TRMO: variants seen among roughly 807,000 people sequenced by gnomAD.
The protein encoded by TRMO is tRNA methyltransferase O.
Under a neutral mutation model 37.2 loss-of-function variants are expected in TRMO, and 30 were observed. The observed-to-expected ratio is 0.81, with a 90% confidence interval of 0.60 to 1.09. The LOEUF (loss-of-function observed/expected upper bound fraction) is 1.09. Ranked by LOEUF, TRMO falls within the 50% of genes least tolerant of loss-of-function variation. The pLI is 0.00. For synonymous variants in TRMO, 239 were observed against 199.4 expected, an observed-to-expected ratio of 1.20 and a Z score of -1.67; for missense variants, 552 against 549.5, an observed-to-expected ratio of 1.00 and a Z score of -0.05.
Position 97,922,408 on chromosome 9 carries a change from T to C in TRMO, c.76+10A>G. The C allele has an allele frequency of 6.4e-7, 1 of 1,560,964 alleles. No homozygotes were observed. The highest frequency in any genetic ancestry group is 1.2e-5 in the South Asian group (1 of 85,720). On this transcript the variant is annotated intron_variant, in intron 1 of 4. Transcript: ENST00000375119. ...CTCCAGAGTGTGGCACCGCCGGTGTTGGAAGTTACCTGTCTCCAGAGCCGG... is the reference window on the plus strand; with the variant it reads ...CTCCAGAGTGTGGCACCGCCGGTGTCGGAAGTTACCTGTCTCCAGAGCCGG...
chr9:97,911,062 A>G (rs1351324761), intron 3 of TRMO: 1 of 402,662 alleles, frequency 2.5e-6, no homozygotes, highest in Non-Finnish European at 5.0e-6. Context: ...AGTAGTCCTC[A>G]GTATATCTCT....
chr9:97,897,429 T>C, the TRMO span, among the ~76,000 whole-genome samples: 7 of 152,218 alleles, frequency 4.6e-5, no homozygotes, highest in Admixed American at 4.6e-4. Flanking sequence ...TTGTTTTGTT[T>C]TGTTTTGTTT....
Position 97,916,148 on chromosome 9 carries a change from C to T in TRMO, c.251+16G>A, listed in dbSNP as rs778928131. ...TTCTGGCCCAAAATCCTACATCTAA[C>T]TATAAAGCAACTTACCAAACATGAG... is the stretch of plus-strand genomic sequence containing the variant. On this transcript the variant is annotated intron_variant, in intron 2 of 4. Coordinates refer to ENST00000375119, the MANE Select transcript of TRMO (RefSeq NM_016481.5). 1 of 1,572,732 alleles carries T rather than the reference C, an allele frequency of 6.4e-7. No individual in the cohort carries two copies. Among genetic ancestry groups the T allele is most frequent in the Admixed American group, 1.9e-5 (1 of 52,950 alleles).
At position 97,910,031 on chromosome 9, in the gene TRMO, G is replaced by T. The variant is rs148962372; in HGVS notation, c.995C>A (p.Ala332Asp). 3.1e-6 allele frequency: 5 copies of T among 1,607,550 alleles called. No homozygotes were observed. The highest frequency in any genetic ancestry group is 1.7e-5 in the Admixed American group (1 of 59,198). ...RSVVPAWVTE[A>D]PVATLEVRFT... ...CCGCACTTCTAAAGTGGCCACAGGA[G>T]CCTCTGTCACCCAGGCAGGAACCAC... Residue 332 changes from alanine (A) to aspartate (D), a missense_variant, in exon 4 of 5, where the codon GCT (alanine) becomes GAT (aspartate). Ala to Asp is a moderately radical substitution (Grantham distance 126). Coordinates refer to ENST00000375119, the MANE Select transcript of TRMO (RefSeq NM_016481.5).
chr9:97,909,665 C>G, intron 4 of TRMO, among the ~76,000 whole-genome samples: 1 of 152,248 alleles, frequency 6.6e-6, no homozygotes, highest in East Asian at 1.9e-4. Flanking sequence ...TTTGAAGACT[C>G]TAAGAACTAC....
At chr9:97,922,231 T>G (rs1434586290) in intron 1 of TRMO, among the ~76,000 whole-genome samples, 187 bp downstream of exon 1, 1 of 152,238 alleles carries the variant, frequency 6.6e-6, no homozygotes, top group Non-Finnish European at 1.5e-5. Context: ...ACAAGCCAGA[T>G]GACGTCATCC....
intron 1 of TRMO, among the ~76,000 whole-genome samples, chr9:97,921,993 C>T (rs1826664333): frequency 1.3e-5 from 2 of 152,038 alleles, no homozygotes; most frequent in African/African-American, 4.8e-5. Flanking sequence ...CTTTCTAGGC[C>T]CAATTTAAAA....
Position 97,904,550 on chromosome 9 carries a change from A to G in TRMO, c.*183T>C, listed in dbSNP as rs1825773128. On this transcript the variant is annotated 3_prime_UTR_variant, in exon 5 of 5. Transcript: ENST00000375119. Reference sequence around the variant, plus strand: ...GCATTTGGTGATTTCTCTGTATTTTATATCTCTTTGTTAAGTTTATTAATG... The same window carrying G: ...GCATTTGGTGATTTCTCTGTATTTTGTATCTCTTTGTTAAGTTTATTAATG... 1.4e-6 allele frequency: 2 copies of G among 1,415,502 alleles called. No individual in the cohort carries two copies. The highest frequency in any genetic ancestry group is 1.8e-6 in the Non-Finnish European group (2 of 1,088,654). 87.7% of individuals were successfully genotyped at this position (1,415,502 alleles called of 1,614,324 possible). A position where few individuals can be genotyped will look rare whatever the true frequency, so the allele number is the denominator to read the frequency against.
chr9:97,908,208 C>G (rs151226469), intron 4 of TRMO, among the ~76,000 whole-genome samples: 2,840 of 152,130 alleles, frequency 0.019, 79 homozygotes, highest in African/African-American at 0.049. Context: ...GTCAGGAGAT[C>G]GAGACCATCC....
chr9:97,910,857 T>C (rs1192439206), intron 3 of TRMO: 3 of 591,154 alleles, frequency 5.1e-6, no homozygotes, highest in Non-Finnish European at 6.1e-6. Flanking sequence ...AAAGCCTTTC[T>C]GGCTCCTCCA....
At position 97,910,372 on chromosome 9, in the gene TRMO, T is replaced by C; in HGVS notation, c.654A>G (p.Lys218=). Residue 218 remains lysine (K), a synonymous_variant, in exon 4 of 5, where the codon AAA becomes AAG. Coordinates refer to ENST00000375119, the MANE Select transcript of TRMO (RefSeq NM_016481.5). ...EPQPHHSTKR[K]PKCPEDRTSE... ...AAGTTCTGTCTTCAGGACATTTAGG[T>C]TTCCTCTTAGTGCTATGGTGGGGTT... 2 of 1,614,216 alleles carry C rather than the reference T, an allele frequency of 1.2e-6. No individual in the cohort carries two copies. The highest frequency in any genetic ancestry group is 2.2e-5 in the East Asian group (1 of 44,880).
In TRMO at chr9:97,906,032, C is replaced by T. The variant is rs200857636; in HGVS notation, c.1067-1040G>A. ...CAAAAAAATTAGCCAGGTATGGTGG[C>T]GCACGCCTGTAATTCTAGCTACTCA... On this transcript the variant is annotated intron_variant, in intron 4 of 4. Coordinates refer to ENST00000375119, the MANE Select transcript of TRMO (RefSeq NM_016481.5). Among the ~76,000 whole-genome samples, 22 of 152,034 alleles carry T rather than the reference C, an allele frequency of 1.4e-4. No individual in the cohort carries two copies. The East Asian group carries it at 3.5e-3, about 24-fold the overall frequency.
chr9:97,900,874 T>C, downstream of TRMO: 1 of 211,048 alleles, frequency 4.7e-6, no homozygotes, highest in East Asian at 1.8e-4. Context: ...AGAAACAAAG[T>C]CAATGCCTTG....
At chr9:97,906,863 G>C (rs1250576514) in intron 4 of TRMO, among the ~76,000 whole-genome samples, 2 of 148,944 alleles carry the variant, frequency 1.3e-5, no homozygotes. Flanking sequence ...AAAAAAGAAA[G>C]AAAGAAAAAA....
At chr9:97,908,865 A>G (rs138429748) in intron 4 of TRMO, among the ~76,000 whole-genome samples, 30 of 152,332 alleles carry the variant, frequency 2.0e-4, no homozygotes, top group Non-Finnish European at 3.5e-4. Flanking sequence ...TGTAGAATGA[A>G]TAAATGAACT....
chr9:97,913,403 T>A lies in TRMO; in HGVS notation c.407A>T (p.Glu136Val). ...GLTLAKLEKV[E>V]GGAIYLSGID... ...AAAGTAGAAATGAAATGGGTTACCT[T>A]CTACCTTTTCCAGCTTGGCCAGGGT... Residue 136 changes from glutamate to valine, a missense_variant and splice_region_variant, in exon 3 of 5, where the codon GAA becomes GTA. Physicochemically the swap from Glu to Val is moderately radical, Grantham distance 121. Coordinates refer to ENST00000375119, the MANE Select transcript of TRMO (RefSeq NM_016481.5). 6.2e-7 allele frequency: 1 copy of A among 1,613,922 alleles called. No individual in the cohort carries two copies.
In TRMO at chr9:97,905,140, T is replaced by C. The variant is rs1027882219; in HGVS notation, c.1067-148A>G. On this transcript the variant is annotated intron_variant, in intron 4 of 4. Coordinates refer to ENST00000375119, the MANE Select transcript of TRMO (RefSeq NM_016481.5). ...AACTATTTGATCATTACGGAGACTG[T>C]CACCGTCAAGAGGTGTTTATTATCA... The C allele has an allele frequency of 1.7e-5, 15 of 888,804 alleles. No homozygotes were observed. The Admixed American group carries it at 2.7e-4, about 16-fold the overall frequency. The allele number at this position is 888,804 out of a possible 1,614,324, so 55.1% of individuals were successfully genotyped here. A position where few individuals can be genotyped will look rare whatever the true frequency, so the allele number is the denominator to read the frequency against.
At chr9:97,898,200 C>T in the TRMO span, among the ~76,000 whole-genome samples, 4 of 152,192 alleles carry the variant, frequency 2.6e-5, no homozygotes, top group Non-Finnish European at 4.4e-5. Flanking sequence ...TTCACAGCCA[C>T]GTGCACTGGC....
In TRMO at chr9:97,904,570, T is replaced by C. The variant is rs1024536380; in HGVS notation, c.*163A>G. 3.4e-6 allele frequency: 5 copies of C among 1,464,922 alleles called. No individual in the cohort carries two copies. In the South Asian group the frequency reaches 7.5e-5, roughly 22 times the overall value. The allele number at this position is 1,464,922 out of a possible 1,614,324, so 90.7% of individuals were successfully genotyped here. On this transcript the variant is annotated 3_prime_UTR_variant, in exon 5 of 5. Coordinates refer to ENST00000375119, the MANE Select transcript of TRMO (RefSeq NM_016481.5). ...ATTTTATATCTCTTTGTTAAGTTTA[T>C]TAATGTATACGTTTTTCAAATAAAC...
Sources: allele counts gnomAD v4.1 joint callset (sites outside exome capture counted in the v4.1 genomes callset), GRCh38; gene constraint gnomAD v4.1.1; transcripts MANE v1.5; gene names NCBI Gene and HGNC (gene_info 2026-07-23, HGNC 2026-07-21).